The following RGS8 variants were observed in gnomAD, a reference collection of about 807,000 sequenced individuals.
The protein encoded by RGS8 is regulator of G protein signaling 8.
Under a neutral mutation model 21.7 loss-of-function variants are expected in RGS8, and 8 were observed. The ratio of observed to expected loss-of-function variants is 0.37; its 90% confidence interval spans 0.22 to 0.66. The LOEUF (loss-of-function observed/expected upper bound fraction) is 0.66. Among genes scored for constraint, RGS8 ranks in the 30% least tolerant of loss-of-function variants. The pLI is 0.59. For synonymous variants in RGS8, 80 were observed against 83.6 expected, an observed-to-expected ratio of 0.96 and a Z score of 0.24; for missense variants, 157 against 217.9, an observed-to-expected ratio of 0.72 and a Z score of 1.76.
exon 7 of RGS8, chr1:182,646,779 T>C: frequency 6.2e-7 from 1 of 1,614,120 alleles, no homozygotes; most frequent in Non-Finnish European, 8.5e-7. Context: ...TCTAAGTACA[T>C]TTTGGACCTC....
At chr1:182,739,001 T>C in the RGS8 span, among the ~76,000 whole-genome samples, 1 of 152,204 alleles carries the variant, frequency 6.6e-6, no homozygotes, top group East Asian at 1.9e-4. Context: ...TAGTTGTATC[T>C]CTGAATTTGA....
the RGS8 span, among the ~76,000 whole-genome samples, chr1:182,718,893 A>G: frequency 1.3e-5 from 2 of 152,202 alleles, no homozygotes; most frequent in Admixed American, 6.5e-5. Context: ...ACATATGTAC[A>G]TTCACAAATC....
chr1:182,701,401 G>A, the RGS8 span, among the ~76,000 whole-genome samples: 1 of 152,190 alleles, frequency 6.6e-6, no homozygotes, highest in Admixed American at 6.5e-5. Context: ...CAAAGGCACA[G>A]GTCACTGAGA....
chr1:182,726,716 CA>C, the RGS8 span, among the ~76,000 whole-genome samples: 4 of 151,914 alleles, frequency 2.6e-5, no homozygotes, highest in South Asian at 2.1e-4. Flanking sequence ...TGTGCCACCA[CA>C]GTTCTCCCAA....
At chr1:182,646,727 T>C in exon 7 of RGS8, 2 of 1,605,396 alleles carry the variant, frequency 1.2e-6, no homozygotes, top group Non-Finnish European at 1.7e-6. Flanking sequence ...GGAGTTCCCT[T>C]CTGAGGTCTA....
At chr1:182,718,212 G>C in the RGS8 span, among the ~76,000 whole-genome samples, 1 of 152,184 alleles carries the variant, frequency 6.6e-6, no homozygotes, top group Non-Finnish European at 1.5e-5. Context: ...CCAGCGTGAA[G>C]GAATATTTTG....
At chr1:182,674,551 C>A (rs1157972770), upstream of RGS8, among the ~76,000 whole-genome samples, 1 of 152,056 alleles carries the variant, frequency 6.6e-6, no homozygotes, top group African/African-American at 2.4e-5. Context: ...GTAGTGCAGG[C>A]CCCGCTTACA....
At chr1:182,710,627 ATGGGG>A in the RGS8 span, among the ~76,000 whole-genome samples, 2 of 152,146 alleles carry the variant, frequency 1.3e-5, no homozygotes, top group Non-Finnish European at 2.9e-5. Context: ...ATTGCATGTA[ATGGGG>A]AATAGGTGAG....
the RGS8 span, among the ~76,000 whole-genome samples, chr1:182,692,874 G>A: frequency 1.3e-4 from 20 of 152,154 alleles, no homozygotes; most frequent in African/African-American, 3.4e-4. Flanking sequence ...AACAAGCAAC[G>A]GGGAAAGGAT....
chr1:182,666,667 A>G (rs1487196188), intron 4 of RGS8, among the ~76,000 whole-genome samples: 13 of 152,174 alleles, frequency 8.5e-5, no homozygotes, highest in Non-Finnish European at 1.8e-4. Flanking sequence ...AAAAAAAAAA[A>G]AAGAGGATTC....
chr1:182,676,283 C>T (rs1251649577), upstream of RGS8, among the ~76,000 whole-genome samples: 5 of 152,180 alleles, frequency 3.3e-5, no homozygotes, highest in South Asian at 4.1e-4. Context: ...TTGCCAAATG[C>T]CCCTGTGTGT....
At chr1:182,721,038 TACATATAC>T in the RGS8 span, among the ~76,000 whole-genome samples, 280 of 49,182 alleles carry the variant, frequency 5.7e-3, 3 homozygotes, top group African/African-American at 0.02. Context: ...TGTGTATATA[TACATATAC>T]ATACATATAT....
At chr1:182,652,304 A>T (rs938622402) in intron 5 of RGS8, among the ~76,000 whole-genome samples, 1 of 152,228 alleles carries the variant, frequency 6.6e-6, no homozygotes. Context: ...TGGTACTTGT[A>T]AAGATAGCCT....
intron 1 of RGS8, among the ~76,000 whole-genome samples, chr1:182,682,898 CT>C (rs11356876): frequency 0.038 from 5,759 of 152,258 alleles, 222 homozygotes; most frequent in East Asian, 0.16. Context: ...GCTGTTGTGA[CT>C]AAGGAACCAT....
the RGS8 span, among the ~76,000 whole-genome samples, chr1:182,735,568 T>A: frequency 6.6e-6 from 1 of 152,074 alleles, no homozygotes; most frequent in Non-Finnish European, 1.5e-5. Context: ...GAAGGGAAGA[T>A]AAGCAGGGCG....
the RGS8 span, among the ~76,000 whole-genome samples, chr1:182,733,138 G>C: frequency 6.6e-6 from 1 of 152,294 alleles, no homozygotes; most frequent in Admixed American, 6.5e-5. Flanking sequence ...TCACAACAGA[G>C]GATACTCAGA....
chr1:182,714,068 A>G, the RGS8 span, among the ~76,000 whole-genome samples: 1 of 152,104 alleles, frequency 6.6e-6, no homozygotes, highest in Non-Finnish European at 1.5e-5. Context: ...ACTTCCTATA[A>G]GAAGACTTTT....
chr1:182,661,189 TAA>T (rs1475689747), intron 5 of RGS8, among the ~76,000 whole-genome samples: 1 of 151,900 alleles, frequency 6.6e-6, no homozygotes, highest in Non-Finnish European at 1.5e-5. Context: ...TTTTAAAAAC[TAA>T]AAGTTTCTCT....
At chr1:182,699,443 G>T in the RGS8 span, among the ~76,000 whole-genome samples, 24 of 152,256 alleles carry the variant, frequency 1.6e-4, no homozygotes, top group Non-Finnish European at 1.8e-4. Context: ...CCAGGCCTCA[G>T]TGGCAGGGGG....
Sources: allele counts gnomAD v4.1 joint callset (sites outside exome capture counted in the v4.1 genomes callset), GRCh38; gene constraint gnomAD v4.1.1; transcripts MANE v1.5; gene names NCBI Gene and HGNC (gene_info 2026-07-23, HGNC 2026-07-21).